Variants in HS6ST3 observed in about 807,000 individuals in gnomAD.
HS6ST3 encodes heparan sulfate 6-O-sulfotransferase 3.
A neutral mutation model predicts 36.7 loss-of-function variants in HS6ST3; 12 were observed. The ratio of observed to expected loss-of-function variants is 0.33; its 90% confidence interval spans 0.21 to 0.53. The LOEUF (loss-of-function observed/expected upper bound fraction) is 0.53. Ranked by LOEUF, HS6ST3 falls within the 20% of genes least tolerant of loss-of-function variation. HS6ST3 has a pLI of 0.95. For synonymous variants in HS6ST3, 240 were observed against 257.5 expected (o/e 0.93, Z 0.65); for missense variants, 584 against 640.9 (o/e 0.91, Z 0.96).
At chr13:96,426,916 A>AT in intron 1 of HS6ST3, among the ~76,000 whole-genome samples, 1 of 152,328 alleles carries the variant, frequency 6.6e-6, no homozygotes, top group South Asian at 2.1e-4. Flanking sequence ...TCTGTATAAC[A>AT]TTAACATTGA....
chr13:96,248,879 G>A (rs1216517806), intron 1 of HS6ST3, among the ~76,000 whole-genome samples: 1 of 152,166 alleles, frequency 6.6e-6, no homozygotes, highest in Admixed American at 6.5e-5. Context: ...TGCTAGTCAA[G>A]TTATCTCAAA....
intron 1 of HS6ST3, among the ~76,000 whole-genome samples, chr13:96,657,895 C>T (rs943613151): frequency 6.6e-6 from 1 of 152,094 alleles, no homozygotes; most frequent in Non-Finnish European, 1.5e-5. Context: ...TTCAGTCCTC[C>T]CATAACAGTT....
rs562240185 is a variant in HS6ST3, at chr13:96,411,883, T to A, written c.707+320314T>A. On this transcript the variant is annotated intron_variant, in intron 1 of 1. Transcript: ENST00000376705. ...GGAAGAAATCTATAATGACTTGTAG[T>A]TTCAGGGTTGAGTCACCAGGGGAAT... Among the ~76,000 whole-genome samples, 12 of 152,278 alleles carry A rather than the reference T, an allele frequency of 7.9e-5. No individual in the cohort carries two copies. In the East Asian group the frequency reaches 2.1e-3, roughly 27 times the overall value.
At chr13:96,586,417 T>C (rs986543167) in intron 1 of HS6ST3, among the ~76,000 whole-genome samples, 25 of 152,086 alleles carry the variant, frequency 1.6e-4, no homozygotes, top group African/African-American at 5.8e-4. Flanking sequence ...TGCTTCAGCC[T>C]CCCGAGTAGC....
At chr13:96,498,405 C>T (rs1000346508) in intron 1 of HS6ST3, among the ~76,000 whole-genome samples, 5 of 152,118 alleles carry the variant, frequency 3.3e-5, no homozygotes, top group Admixed American at 6.5e-5. Context: ...ACCATCTTTT[C>T]GGGTATCAGT....
intron 1 of HS6ST3, among the ~76,000 whole-genome samples, chr13:96,365,990 T>C (rs1055339664): frequency 3.3e-5 from 5 of 152,118 alleles, no homozygotes; most frequent in Non-Finnish European, 1.5e-5. Flanking sequence ...TACAAAGAAA[T>C]CCTTAGAAAC....
At chr13:96,729,669 G>T (rs536334073) in intron 1 of HS6ST3, among the ~76,000 whole-genome samples, 158 of 151,452 alleles carry the variant, frequency 1.0e-3, no homozygotes, top group Non-Finnish European at 2.0e-3. Flanking sequence ...GTTTCACCAT[G>T]TTGGCCAGGC....
rs2055292131 is a variant in HS6ST3 at position 96,371,937 on chromosome 13, G to A, written c.707+280368G>A. Among the ~76,000 whole-genome samples, 3 of 152,118 alleles carry A rather than the reference G, an allele frequency of 2.0e-5. No individual in the cohort carries two copies. The South Asian group carries it at 6.2e-4, about 31-fold the overall frequency. ...TATCTTGGCTATTGTAAATAATGCT[G>A]CAGTAAACATGAGCATGCACATCTC... On this transcript the variant is annotated intron_variant, in intron 1 of 1. Coordinates refer to ENST00000376705, the MANE Select transcript of HS6ST3 (RefSeq NM_153456.4).
At chr13:96,672,033 G>A (rs1430539469) in intron 1 of HS6ST3, among the ~76,000 whole-genome samples, 2 of 152,032 alleles carry the variant, frequency 1.3e-5, no homozygotes, top group Non-Finnish European at 2.9e-5. Context: ...CCTAACAGTA[G>A]CCACATTCAA....
chr13:96,541,734 G>T (rs2056178703), intron 1 of HS6ST3, among the ~76,000 whole-genome samples: 2 of 152,134 alleles, frequency 1.3e-5, no homozygotes, highest in East Asian at 3.9e-4. Flanking sequence ...CTGATACTCT[G>T]TGACTTCATG....
chr13:96,441,945 A>G (rs2055673561), intron 1 of HS6ST3, among the ~76,000 whole-genome samples: 1 of 152,204 alleles, frequency 6.6e-6, no homozygotes, highest in African/African-American at 2.4e-5. Flanking sequence ...TTGTAATCAT[A>G]TAGGAAAATT....
At chr13:96,800,862 T>C (rs574373802) in intron 1 of HS6ST3, among the ~76,000 whole-genome samples, 85 of 152,226 alleles carry the variant, frequency 5.6e-4, no homozygotes, top group Admixed American at 2.6e-3. Flanking sequence ...TCATCGTCTG[T>C]TATCTCAAAA....
chr13:96,152,843 T>A (rs948053356), intron 1 of HS6ST3, among the ~76,000 whole-genome samples: 4 of 152,188 alleles, frequency 2.6e-5, no homozygotes, highest in African/African-American at 9.7e-5. Context: ...TTATCCAGTC[T>A]TAGTTCTCAC....
intron 1 of HS6ST3, among the ~76,000 whole-genome samples, chr13:96,628,908 ATGTG>A (rs2056522365): frequency 6.6e-6 from 1 of 151,840 alleles, no homozygotes; most frequent in Non-Finnish European, 1.5e-5. Context: ...GAATCCGTAT[ATGTG>A]TGTGTATGTG....
At chr13:96,579,987 TTC>T (rs1428984260) in intron 1 of HS6ST3, among the ~76,000 whole-genome samples, 1 of 152,168 alleles carries the variant, frequency 6.6e-6, no homozygotes, top group African/African-American at 2.4e-5. Context: ...ATAATTAATT[TTC>T]TCTGTTTAGA....
chr13:96,658,811 T>C (rs942418517), intron 1 of HS6ST3, among the ~76,000 whole-genome samples: 1 of 152,056 alleles, frequency 6.6e-6, no homozygotes, highest in African/African-American at 2.4e-5. Context: ...ATTCAAGCAG[T>C]TCTCGTGCCT....
chr13:96,820,775 T>A (rs904819172), intron 1 of HS6ST3, among the ~76,000 whole-genome samples: 4 of 152,256 alleles, frequency 2.6e-5, no homozygotes, highest in African/African-American at 9.6e-5. Context: ...TTTGTCCAAA[T>A]GAGCACAGTT....
rs574555774 is a variant in HS6ST3, at chr13:96,600,687, G to T, written c.708-231803G>T. Among the ~76,000 whole-genome samples the T allele has an allele frequency of 7.2e-4, 110 of 151,994 alleles. 1 individual carries two copies. Among genetic ancestry groups the T allele is most frequent in the Non-Finnish European group, 1.8e-4 (12 of 67,934 alleles). ...CATTCAATGTTAATATTGTATATGA[G>T]ATTCTGCTCCAGTCATCATAATAAT... On this transcript the variant is annotated intron_variant, in intron 1 of 1. Coordinates refer to ENST00000376705, the MANE Select transcript of HS6ST3 (RefSeq NM_153456.4).
intron 1 of HS6ST3, among the ~76,000 whole-genome samples, chr13:96,170,001 T>C (rs1245402356): frequency 2.0e-5 from 3 of 152,248 alleles, no homozygotes; most frequent in African/African-American, 7.2e-5. Context: ...TTGCCTGTTA[T>C]ATTGTTGAAG....
Sources: allele counts gnomAD v4.1 joint callset (sites outside exome capture counted in the v4.1 genomes callset), GRCh38; gene constraint gnomAD v4.1.1; transcripts MANE v1.5; gene names NCBI Gene and HGNC (gene_info 2026-07-23, HGNC 2026-07-21).